Variants in SMARCA4 observed in about 807,000 individuals in gnomAD.
SMARCA4 encodes the protein SWI/SNF-related matrix-associated actin-dependent regulator of chromatin subfamily A member 4.
A neutral mutation model predicts 193.9 loss-of-function variants in SMARCA4; 31 were observed. That is an observed-to-expected ratio of 0.16 (90% CI 0.12 to 0.22). The LOEUF is 0.22. Ranked by LOEUF, SMARCA4 falls within the 10% of genes least tolerant of loss-of-function variation. The pLI, the probability that SMARCA4 is intolerant of heterozygous loss-of-function variation, is 1.00. For synonymous variants in SMARCA4, 942 were observed against 933.1 expected, an observed-to-expected ratio of 1.01 and a Z score of -0.17; for missense variants, 1,148 against 2,296.0, an observed-to-expected ratio of 0.50 and a Z score of 10.22.
rs370219784 is a variant in SMARCA4 at position 10,991,327 on chromosome 19, C to T, written c.1419+4C>T. The T allele has an allele frequency of 1.3e-4, 201 of 1,586,406 alleles. No individual in the cohort carries two copies. Among genetic ancestry groups the T allele is most frequent in the African/African-American group, 5.2e-4 (39 of 74,578 alleles). ...CAAGCGCCGGCAGAAGCACCAGGTA[C>T]GCTCCGGTGGCCCCAAGGCCCTGCA... is the stretch of plus-strand genomic sequence containing the variant. On this transcript the variant is annotated splice_donor_region_variant and intron_variant, in intron 8 of 34. Coordinates refer to ENST00000344626, the MANE Select transcript of SMARCA4 (RefSeq NM_003072.5).
At chr19:11,026,895 C>T (rs373101727) in intron 23 of SMARCA4, among the ~76,000 whole-genome samples, 5 of 152,208 alleles carry the variant, frequency 3.3e-5, no homozygotes, top group Non-Finnish European at 7.3e-5. Context: ...CCCACTCTGC[C>T]GCCTCCAAGC....
chr19:10,999,435 C>G (rs1485489042), intron 11 of SMARCA4, among the ~76,000 whole-genome samples: 1 of 151,622 alleles, frequency 6.6e-6, no homozygotes, highest in Middle Eastern at 3.4e-3. Flanking sequence ...TATGGGAGGA[C>G]TACTTGAGCC....
chr19:10,964,399 C>T (rs1014335602), intron 1 of SMARCA4, among the ~76,000 whole-genome samples: 1 of 151,830 alleles, frequency 6.6e-6, no homozygotes, highest in Non-Finnish European at 1.5e-5. Flanking sequence ...CAACCTCTGC[C>T]TCCCGGGTTC....
intron 19 of SMARCA4, 145 bp downstream of exon 19, chr19:11,022,112 C>A (rs2089916982): frequency 1.5e-6 from 2 of 1,303,392 alleles, no homozygotes; most frequent in Non-Finnish European, 2.2e-6. Context: ...CAGGGGAGCC[C>A]TGGAACCCAA....
chr19:11,021,323 C>CG (rs1172349114), intron 18 of SMARCA4: 2 of 359,686 alleles, frequency 5.6e-6, no homozygotes, highest in East Asian at 1.4e-4. Context: ...AATGTACCGT[C>CG]ACCAACCCAG....
intron 15 of SMARCA4, chr19:11,011,895 GCC>G (rs2088885322): frequency 6.6e-6 from 1 of 152,244 alleles, no homozygotes; most frequent in Admixed American, 6.6e-5. Flanking sequence ...GAGCGAATCT[GCC>G]CAGGTCAGAA....
intron 11 of SMARCA4, among the ~76,000 whole-genome samples, chr19:10,999,881 G>A (rs534469321): frequency 6.6e-6 from 1 of 152,170 alleles, no homozygotes; most frequent in Non-Finnish European, 1.5e-5. Flanking sequence ...TTAGAGTTCA[G>A]TATTTATAGA....
In SMARCA4 at chr19:11,033,924, G is replaced by T; in HGVS notation, c.3873+59G>T. 1.3e-6 allele frequency: 1 copy of T among 757,740 alleles called. No homozygotes were observed. The highest frequency in any genetic ancestry group is 1.8e-5 in the Admixed American group (1 of 56,030). The allele number at this position is 757,740 out of a possible 1,614,324, so 46.9% of individuals were successfully genotyped here. A position where few individuals can be genotyped will look rare whatever the true frequency, so the allele number is the denominator to read the frequency against. Reference sequence around the variant, plus strand: ...AATCCTCGGCTTCTCGGCTGAGACGGCCAGCAAGGGCCCTGGTCCCACGGA... The same window carrying T: ...AATCCTCGGCTTCTCGGCTGAGACGTCCAGCAAGGGCCCTGGTCCCACGGA... On this transcript the variant is annotated intron_variant, in intron 27 of 34. Coordinates refer to ENST00000344626, the MANE Select transcript of SMARCA4 (RefSeq NM_003072.5). The surrounding 1 kb of genome is among the most constrained non-coding windows in gnomAD (Gnocchi z 9.8).
intron 25 of SMARCA4, chr19:11,032,976 C>A: frequency 2.2e-6 from 1 of 450,500 alleles, no homozygotes; most frequent in Non-Finnish European, 4.2e-6. Flanking sequence ...GGGAGCTGTG[C>A]CGCTGCCACG....
intron 1 of SMARCA4, among the ~76,000 whole-genome samples, chr19:10,981,828 A>G (rs1031702357): frequency 6.6e-6 from 1 of 151,978 alleles, no homozygotes; most frequent in East Asian, 1.9e-4. Flanking sequence ...CTACAAAAAA[A>G]TTAAGAAAAA....
At position 11,035,206 on chromosome 19, in the gene SMARCA4, C is replaced by T. The variant is rs1404734958; in HGVS notation, c.4170+74C>T. The stretch of plus-strand genomic sequence containing the variant: ...GGCTGGGGAGACAAAGGGCCCACCG[C>T]CAGGACTCAGGCCTGGGTCCAAAAT... On this transcript the variant is annotated intron_variant, in intron 29 of 34. Coordinates refer to ENST00000344626, the MANE Select transcript of SMARCA4 (RefSeq NM_003072.5). 2.1e-6 allele frequency: 3 copies of T among 1,397,220 alleles called. No individual in the cohort carries two copies. The Admixed American group carries it at 5.8e-5, about 27-fold the overall frequency. 86.6% of individuals were successfully genotyped at this position (1,397,220 alleles called of 1,614,324 possible). A position where few individuals can be genotyped will look rare whatever the true frequency, so the allele number is the denominator to read the frequency against.
At chr19:10,993,679 T>C (rs548443679) in intron 8 of SMARCA4, among the ~76,000 whole-genome samples, 36 of 152,116 alleles carry the variant, frequency 2.4e-4, no homozygotes, top group Non-Finnish European at 4.3e-4. Flanking sequence ...GGAGTCTCGC[T>C]CTGTCGCCCA....
intron 16 of SMARCA4, chr19:11,018,398 CCCACAGGGGAACAG>C (rs1430750418): frequency 7.6e-6 from 2 of 261,534 alleles, no homozygotes; most frequent in African/African-American, 4.4e-5. Context: ...CCCTGGTCAT[CCCACAGGGGAACAG>C]CCACGAGTTG....
At chr19:11,010,655 T>A in intron 15 of SMARCA4, 124 bp downstream of exon 15, 2 of 910,062 alleles carry the variant, frequency 2.2e-6, no homozygotes, top group Middle Eastern at 2.8e-4. Context: ...GGCAATGCAC[T>A]CTTCCCCTCT....
In SMARCA4 at chr19:10,996,482, C is replaced by T. The variant is rs759160355; in HGVS notation, c.1762-12C>T. The T allele has an allele frequency of 3.2e-5, 51 of 1,614,080 alleles. No homozygotes were observed. Among genetic ancestry groups the T allele is most frequent in the Non-Finnish European group, 4.0e-5 (47 of 1,180,000 alleles). On this transcript the variant is annotated splice_polypyrimidine_tract_variant and intron_variant, in intron 10 of 34. Coordinates refer to ENST00000344626, the MANE Select transcript of SMARCA4 (RefSeq NM_003072.5). ...TGGGTCAGGGCCTGACCGTGTCTCT[C>T]TCTATTTCCAGAAGGCAGAAAATGC...
intron 19 of SMARCA4, 32 bp from the exon 20 acceptor site, chr19:11,023,486 A>C (rs769346497): frequency 1.6e-5 from 22 of 1,390,650 alleles, no homozygotes; most frequent in Non-Finnish European, 2.1e-5. Flanking sequence ...TTTGGAGGTA[A>C]CGCTTGCTTC....
chr19:10,995,062 AG>A (rs2086896844), intron 9 of SMARCA4, 61 bp downstream of exon 9: 2 of 1,460,926 alleles, frequency 1.4e-6, no homozygotes, highest in Non-Finnish European at 1.9e-6. Context: ...TGCGGGCTCC[AG>A]GGGTCACTCC....
In SMARCA4 at chr19:11,039,864, C is replaced by T. The variant is rs865819131; in HGVS notation, c.4171-1443C>T. 3.6e-4 allele frequency: 67 copies of T among 185,282 alleles called. No individual in the cohort carries two copies. The South Asian group carries it at 4.6e-3, about 13-fold the overall frequency. 11.5% of individuals were successfully genotyped at this position (185,282 alleles called of 1,614,324 possible). The stretch of plus-strand genomic sequence containing the variant: ...TTGAGAGGCCGACATGGGTGGATCA[C>T]GAGGTTAAGAGATTAAGACCATCCT... On this transcript the variant is annotated intron_variant, in intron 29 of 34. Coordinates refer to ENST00000344626, the MANE Select transcript of SMARCA4 (RefSeq NM_003072.5).
At chr19:11,049,791 A>G (rs1372632669) in intron 30 of SMARCA4, among the ~76,000 whole-genome samples, 1 of 152,214 alleles carries the variant, frequency 6.6e-6, no homozygotes, top group Non-Finnish European at 1.5e-5. Flanking sequence ...GTGATAGGGC[A>G]GAGATGCTGC....
Sources: allele counts gnomAD v4.1 joint callset (sites outside exome capture counted in the v4.1 genomes callset), GRCh38; gene constraint gnomAD v4.1.1; non-coding constraint Gnocchi (gnomAD v3.1); transcripts MANE v1.5; gene names NCBI Gene and HGNC (gene_info 2026-07-23, HGNC 2026-07-21).